The following GRID1 variants were observed in gnomAD, a reference collection of about 807,000 sequenced individuals.
GRID1 encodes glutamate receptor ionotropic, delta-1.
Under a neutral mutation model 98.0 loss-of-function variants are expected in GRID1, and 28 were observed. The observed-to-expected ratio is 0.29, with a 90% CI of 0.21 to 0.39. The LOEUF (loss-of-function observed/expected upper bound fraction) is 0.39, where lower values mean the gene tolerates loss of function less well. GRID1 is among the 10% of genes least tolerant of loss of function. The pLI is 1.00. For synonymous variants in GRID1, 553 were observed against 538.5 expected (o/e 1.03, Z -0.37); for missense variants, 1,111 against 1,340.5 (o/e 0.83, Z 2.67).
chr10:86,126,742 G>T (rs1408048146), intron 4 of GRID1, among the ~76,000 whole-genome samples: 1 of 152,168 alleles, frequency 6.6e-6, no homozygotes, highest in African/African-American at 2.4e-5. Context: ...GATTTCACAG[G>T]AAGTCCAAAT....
chr10:86,214,451 T>A (rs1422904871), intron 2 of GRID1, among the ~76,000 whole-genome samples: 1 of 152,240 alleles, frequency 6.6e-6, no homozygotes, highest in Non-Finnish European at 1.5e-5. Flanking sequence ...TTTGCCTTCC[T>A]GGCACTAACA....
At chr10:86,233,747 C>T (rs1021383517) in intron 2 of GRID1, among the ~76,000 whole-genome samples, 1 of 152,112 alleles carries the variant, frequency 6.6e-6, no homozygotes, top group African/African-American at 2.4e-5. Flanking sequence ...AAATCTCAGA[C>T]ACCCAACCCC....
rs146591892 is a variant in GRID1 at position 86,011,826 on chromosome 10, G to A, written c.727-95587C>T. On this transcript the variant is annotated intron_variant, in intron 4 of 15. Coordinates refer to ENST00000327946, the MANE Select transcript of GRID1 (RefSeq NM_017551.3). Reference sequence around the variant, plus strand: ...AGATGCCAAACTTCTCTGACATAATGTAGAGGAAACAGTCCAAAGACCAAA... The same window carrying A: ...AGATGCCAAACTTCTCTGACATAATATAGAGGAAACAGTCCAAAGACCAAA... Among the ~76,000 whole-genome samples the A allele has an allele frequency of 2.1e-4, 32 of 152,302 alleles. No homozygotes were observed. In the East Asian group the frequency reaches 6.0e-3, roughly 29 times the overall value.
chr10:85,856,480 T>C (rs1843111121), intron 6 of GRID1, among the ~76,000 whole-genome samples: 1 of 152,068 alleles, frequency 6.6e-6, no homozygotes, highest in African/African-American at 2.4e-5. Context: ...CACAGGTAAG[T>C]TACCTACTCA....
chr10:86,128,784 G>A (rs929017480), intron 4 of GRID1, among the ~76,000 whole-genome samples: 1 of 152,070 alleles, frequency 6.6e-6, no homozygotes, highest in Non-Finnish European at 1.5e-5. Context: ...CGCCCTTCAT[G>A]CCCATATCTT....
intron 4 of GRID1, among the ~76,000 whole-genome samples, chr10:86,038,492 A>G (rs1473479280): frequency 6.6e-6 from 1 of 152,244 alleles, no homozygotes; most frequent in East Asian, 1.9e-4. Context: ...CAAATGTACA[A>G]TCATGTGCAG....
intron 3 of GRID1, among the ~76,000 whole-genome samples, chr10:86,180,188 G>A (rs1845635521): frequency 6.6e-6 from 1 of 152,164 alleles, no homozygotes; most frequent in South Asian, 2.1e-4. Flanking sequence ...GGCTCCGGCT[G>A]GTGCACCAGA....
At chr10:86,344,966 T>C (rs1161495403) in intron 2 of GRID1, among the ~76,000 whole-genome samples, 1 of 152,202 alleles carries the variant, frequency 6.6e-6, no homozygotes, top group African/African-American at 2.4e-5. Flanking sequence ...TGCTCCCACT[T>C]TCCCTGCCCG....
intron 3 of GRID1, among the ~76,000 whole-genome samples, chr10:86,181,446 C>T (rs1381121031): frequency 6.6e-6 from 1 of 152,202 alleles, no homozygotes; most frequent in East Asian, 1.9e-4. Flanking sequence ...AGCAACAGCT[C>T]CCAGCCCCGC....
intron 2 of GRID1, among the ~76,000 whole-genome samples, chr10:86,270,455 C>A (rs985385871): frequency 6.6e-6 from 1 of 152,092 alleles, no homozygotes; most frequent in Non-Finnish European, 1.5e-5. Flanking sequence ...TTTGGGAGAC[C>A]AAGGCGGGTG....
intron 4 of GRID1, among the ~76,000 whole-genome samples, chr10:85,933,344 CTTG>C (rs1462822596): frequency 6.8e-6 from 1 of 148,060 alleles, no homozygotes. Context: ...TATACACAGG[CTTG>C]TTATATAAGT....
At chr10:85,669,072 A>G (rs1841055526) in intron 12 of GRID1, among the ~76,000 whole-genome samples, 1 of 152,252 alleles carries the variant, frequency 6.6e-6, no homozygotes, top group South Asian at 2.1e-4. Context: ...ACATGGGCTA[A>G]TCACAGGGTT....
In GRID1 at chr10:85,978,614, G is replaced by GA. The variant is rs554042641; in HGVS notation, c.727-62376dup. Among the ~76,000 whole-genome samples, 1,310 of 146,266 alleles carry GA rather than the reference G, an allele frequency of 9.0e-3. 17 individuals carry two copies. Among genetic ancestry groups the GA allele is most frequent in the African/African-American group, 0.029 (1,170 of 39,914 alleles). On this transcript the variant is annotated intron_variant, in intron 4 of 15. Transcript: ENST00000327946. ...TGTGTAATGGACAATTACTTTAACAGAAAAAAAAAAAGCTAACACTTCTTG... is the reference window on the plus strand; with the variant it reads ...TGTGTAATGGACAATTACTTTAACAGAAAAAAAAAAAAGCTAACACTTCTTG...
chr10:85,868,949 G>A, intron 6 of GRID1, 61 bp downstream of exon 6: 2 of 1,455,982 alleles, frequency 1.4e-6, no homozygotes, highest in Non-Finnish European at 9.6e-7. Context: ...GTCTCCCTTG[G>A]CCAAGGGTGT....
At chr10:85,991,714 T>C (rs1195308609) in intron 4 of GRID1, among the ~76,000 whole-genome samples, 1 of 151,470 alleles carries the variant, frequency 6.6e-6, no homozygotes, top group Admixed American at 6.6e-5. Flanking sequence ...AATTGGAAAA[T>C]AGGAAGATGG....
chr10:85,770,383 AG>A (rs930738725), intron 8 of GRID1, among the ~76,000 whole-genome samples: 1 of 152,240 alleles, frequency 6.6e-6, no homozygotes, highest in African/African-American at 2.4e-5. Flanking sequence ...GGGAAAAAAA[AG>A]AGCAGAAAAA....
intron 4 of GRID1, among the ~76,000 whole-genome samples, chr10:86,033,067 A>G (rs1843209232): frequency 6.6e-6 from 1 of 152,058 alleles, no homozygotes; most frequent in Non-Finnish European, 1.5e-5. Flanking sequence ...CCAAGATTCA[A>G]ACAGCTAGAA....
At chr10:86,139,445 G>C (rs1233803218) in intron 3 of GRID1, among the ~76,000 whole-genome samples, 1 of 152,162 alleles carries the variant, frequency 6.6e-6, no homozygotes, top group Admixed American at 6.5e-5. Context: ...ACCATGGCCA[G>C]CTGAGGCCCC....
At chr10:86,208,482 C>T (rs1477870702) in intron 2 of GRID1, among the ~76,000 whole-genome samples, 1 of 152,140 alleles carries the variant, frequency 6.6e-6, no homozygotes, top group African/African-American at 2.4e-5. Flanking sequence ...ATACCTGCAG[C>T]CTCATGCTCC....
Sources: gnomAD v4.1 joint callset for allele counts (sites outside exome capture counted in the v4.1 genomes callset) on GRCh38, gnomAD v4.1.1 for gene constraint, MANE v1.5 for transcripts, NCBI Gene and HGNC (gene_info 2026-07-23, HGNC 2026-07-21) for gene names.